The following PLXDC2 variants were observed in gnomAD, a reference collection of about 807,000 sequenced individuals.
PLXDC2 encodes plexin domain containing 2, also known as plexin domain-containing protein 2.
In PLXDC2, 40 loss-of-function variants were observed where a neutral mutation model predicts 68.9. The observed-to-expected ratio is 0.58, with a 90% CI of 0.45 to 0.76. The LOEUF is 0.76. PLXDC2 is among the 30% of genes least tolerant of loss of function. PLXDC2 has a pLI of 0.00. For synonymous variants in PLXDC2, 243 were observed against 234.2 expected, an observed-to-expected ratio of 1.04 and a Z score of -0.34; for missense variants, 644 against 661.9, an observed-to-expected ratio of 0.97 and a Z score of 0.30.
chr10:20,040,162 C>T (rs1162361568), intron 2 of PLXDC2, among the ~76,000 whole-genome samples: 1 of 152,120 alleles, frequency 6.6e-6, no homozygotes, highest in African/African-American at 2.4e-5. Flanking sequence ...ACAGATGACT[C>T]ATTCCTTTAT....
chr10:20,253,958 C>A (rs1051812899), intron 13 of PLXDC2, among the ~76,000 whole-genome samples: 3 of 152,142 alleles, frequency 2.0e-5, no homozygotes, highest in Admixed American at 1.3e-4. Flanking sequence ...CCTGAGTGGG[C>A]AGTATCCTTT....
intron 4 of PLXDC2, among the ~76,000 whole-genome samples, chr10:20,139,953 T>A (rs912022893): frequency 6.6e-5 from 10 of 152,076 alleles, no homozygotes; most frequent in Non-Finnish European, 1.0e-4. Flanking sequence ...TGTATACCTA[T>A]GTAACAAACC....
At chr10:19,984,654 C>T (rs1111367) in intron 1 of PLXDC2, among the ~76,000 whole-genome samples, 91,867 of 151,982 alleles carry the variant, frequency 0.6, 28,519 homozygotes, top group South Asian at 0.77. Context: ...GGACCTCAGA[C>T]AGTATAAGTT....
At chr10:19,896,609 A>G (rs548089181) in intron 1 of PLXDC2, among the ~76,000 whole-genome samples, 4 of 152,264 alleles carry the variant, frequency 2.6e-5, no homozygotes, top group African/African-American at 9.6e-5. Context: ...GCAGATTTCT[A>G]CCTTTGATTT....
In PLXDC2 at chr10:19,978,562, C is replaced by T. The variant is rs1490817044; in HGVS notation, c.113-23213C>T. Among the ~76,000 whole-genome samples, 4 of 152,018 alleles carry T rather than the reference C, an allele frequency of 2.6e-5. No individual in the cohort carries two copies. The East Asian group carries it at 7.7e-4, about 29-fold the overall frequency. Reference sequence around the variant, plus strand: ...TTTTCATGTTCAGATTTAATTTCACCCCAGTTCTGATGTCAAAGTAACTTA... The same window carrying T: ...TTTTCATGTTCAGATTTAATTTCACTCCAGTTCTGATGTCAAAGTAACTTA... On this transcript the variant is annotated intron_variant, in intron 1 of 13. Transcript: ENST00000377252.
intron 2 of PLXDC2, among the ~76,000 whole-genome samples, chr10:20,041,019 C>T (rs7069295): frequency 0.085 from 12,877 of 152,144 alleles, 1,153 homozygotes; most frequent in African/African-American, 0.22. Flanking sequence ...GATTTATAAC[C>T]ATAATAATGA....
In PLXDC2 at chr10:20,212,170, T is replaced by C. The variant is rs141601380; in HGVS notation, c.1122+441T>C. ...GAATAGTAGGGCCAGGATTGGAATC[T>C]GTAGAGGAGTTCTCTTAAATGCTTG... On this transcript the variant is annotated intron_variant, in intron 10 of 13. Coordinates refer to ENST00000377252, the MANE Select transcript of PLXDC2 (RefSeq NM_032812.9). 2.0e-3 allele frequency among the ~76,000 whole-genome samples: 302 copies of C among 152,110 alleles called. 2 individuals are homozygous for C. The highest frequency in any genetic ancestry group is 6.5e-3 in the African/African-American group (270 of 41,538).
At chr10:19,846,936 C>T (rs554723984) in intron 1 of PLXDC2, among the ~76,000 whole-genome samples, 9 of 152,208 alleles carry the variant, frequency 5.9e-5, no homozygotes, top group African/African-American at 1.4e-4. Flanking sequence ...ACGTCTTACA[C>T]GGCAGCGGGC....
At chr10:20,183,981 G>A (rs7895000) in intron 9 of PLXDC2, among the ~76,000 whole-genome samples, 2,817 of 151,730 alleles carry the variant, frequency 0.019, 112 homozygotes, top group African/African-American at 0.065. Flanking sequence ...CTTGCTCCTG[G>A]TAAAAACATA....
chr10:20,109,179 A>G (rs1589633323), intron 4 of PLXDC2, among the ~76,000 whole-genome samples: 1 of 152,222 alleles, frequency 6.6e-6, no homozygotes, highest in East Asian at 1.9e-4. Flanking sequence ...ACATTTTCCC[A>G]AAATTTTGCT....
chr10:19,988,437 C>G (rs1834685487), intron 1 of PLXDC2, among the ~76,000 whole-genome samples: 1 of 151,962 alleles, frequency 6.6e-6, no homozygotes, highest in Non-Finnish European at 1.5e-5. Context: ...ATATCACTAT[C>G]TATAATTTGT....
intron 1 of PLXDC2, among the ~76,000 whole-genome samples, chr10:19,959,832 T>C (rs918456631): frequency 6.6e-6 from 1 of 152,176 alleles, no homozygotes; most frequent in African/African-American, 2.4e-5. Flanking sequence ...CCCCCAATTC[T>C]ATGACCTATA....
chr10:20,193,725 T>C (rs1331476810), intron 9 of PLXDC2, among the ~76,000 whole-genome samples: 1 of 152,110 alleles, frequency 6.6e-6, no homozygotes, highest in Non-Finnish European at 1.5e-5. Context: ...TCTGTTAACA[T>C]AAGATGACAT....
intron 1 of PLXDC2, among the ~76,000 whole-genome samples, chr10:19,886,366 A>G (rs1006852139): frequency 3.3e-5 from 5 of 152,126 alleles, no homozygotes; most frequent in Admixed American, 3.3e-4. Flanking sequence ...CATTGATGCA[A>G]AAATCCTCAA....
At chr10:20,089,298 T>G (rs1205919171) in intron 4 of PLXDC2, among the ~76,000 whole-genome samples, 1 of 152,088 alleles carries the variant, frequency 6.6e-6, no homozygotes, top group Non-Finnish European at 1.5e-5. Flanking sequence ...CATGAATGTA[T>G]TTACGGAAGA....
At chr10:20,248,486 T>C (rs1489462660) in intron 13 of PLXDC2, among the ~76,000 whole-genome samples, 1 of 152,206 alleles carries the variant, frequency 6.6e-6, no homozygotes, top group South Asian at 2.1e-4. Context: ...AATAACTCTT[T>C]CTTCTTTTCA....
intron 9 of PLXDC2, among the ~76,000 whole-genome samples, chr10:20,178,809 G>A (rs1173225832): frequency 5.3e-5 from 8 of 152,092 alleles, no homozygotes; most frequent in South Asian, 4.1e-4. Context: ...TTTTGTTTTC[G>A]ATTTAACAGG....
intron 12 of PLXDC2, among the ~76,000 whole-genome samples, chr10:20,236,332 C>A (rs953865545): frequency 1.3e-5 from 2 of 151,952 alleles, no homozygotes; most frequent in Non-Finnish European, 2.9e-5. Flanking sequence ...AAAGTCCCAG[C>A]TACTTGGGAG....
intron 4 of PLXDC2, among the ~76,000 whole-genome samples, chr10:20,104,558 T>C (rs11011799): frequency 0.2 from 30,691 of 152,110 alleles, 4,107 homozygotes; most frequent in East Asian, 0.41. Flanking sequence ...GTAGCAACTC[T>C]TTACTGCAGC....
Sources: gnomAD v4.1 joint callset for allele counts (sites outside exome capture counted in the v4.1 genomes callset) on GRCh38, gnomAD v4.1.1 for gene constraint, MANE v1.5 for transcripts, NCBI Gene and HGNC (gene_info 2026-07-23, HGNC 2026-07-21) for gene names.